The following DHX35 variants were observed in gnomAD, a reference collection of about 807,000 sequenced individuals.
DHX35 encodes the protein probable ATP-dependent RNA helicase DHX35.
Under a neutral mutation model 99.6 loss-of-function variants are expected in DHX35, and 84 were observed. That is an observed-to-expected ratio of 0.84 (90% CI 0.71 to 1.01). The LOEUF (loss-of-function observed/expected upper bound fraction) is 1.01, where lower values mean the gene tolerates loss of function less well. Ranked by LOEUF, DHX35 falls within the 50% of genes least tolerant of loss-of-function variation. The pLI, the probability that DHX35 is intolerant of heterozygous loss-of-function variation, is 0.00. For synonymous variants in DHX35, 331 were observed against 316.2 expected, an observed-to-expected ratio of 1.05 and a Z score of -0.50; for missense variants, 852 against 888.5, an observed-to-expected ratio of 0.96 and a Z score of 0.52.
chr20:39,023,976 T>A (rs534097328), intron 17 of DHX35, among the ~76,000 whole-genome samples: 2 of 152,344 alleles, frequency 1.3e-5, no homozygotes, highest in South Asian at 4.1e-4. Context: ...AACACAGGAA[T>A]CATTCATTGC....
intron 12 of DHX35, 111 bp downstream of exon 12, chr20:39,006,467 T>G: frequency 5.3e-6 from 6 of 1,126,532 alleles, no homozygotes; most frequent in Non-Finnish European, 7.7e-6. Context: ...ATACAGGCCT[T>G]CCTCACAAGG....
intron 5 of DHX35, 125 bp downstream of exon 5, chr20:38,989,042 A>G (rs1354442646): frequency 9.9e-7 from 1 of 1,014,868 alleles, no homozygotes; most frequent in Non-Finnish European, 1.4e-6. Flanking sequence ...GAAGAAAAGT[A>G]TCCTGACATT....
intron 17 of DHX35, among the ~76,000 whole-genome samples, 196 bp from the exon 18 acceptor site, chr20:39,025,034 G>A (rs2086931013): frequency 6.6e-6 from 1 of 152,178 alleles, no homozygotes; most frequent in African/African-American, 2.4e-5. Flanking sequence ...AAAGAGTGAG[G>A]TTGCAGAGCA....
chr20:38,996,064 AC>A lies in DHX35; in HGVS notation c.642+1187del, dbSNP rs1168487619. Among the ~76,000 whole-genome samples, 13 of 151,620 alleles carry A rather than the reference AC, an allele frequency of 8.6e-5. No individual in the cohort carries two copies. In the South Asian group the frequency reaches 2.3e-3, roughly 27 times the overall value. ...CCAGGCATGCTTCTGCTCTGGAGGA[AC>A]CCTCTTTTTAGACCATTCCTTCCCC... is the stretch of plus-strand genomic sequence containing the variant. On this transcript the variant is annotated intron_variant, in intron 8 of 21. Coordinates refer to ENST00000252011, the MANE Select transcript of DHX35 (RefSeq NM_021931.4).
chr20:38,963,185 C>T (rs188433969), intron 1 of DHX35, among the ~76,000 whole-genome samples: 168 of 152,240 alleles, frequency 1.1e-3, no homozygotes, highest in Middle Eastern at 6.8e-3. Context: ...TGTGCATATG[C>T]CAGACCGTAC....
chr20:38,995,961 G>A lies in DHX35; in HGVS notation c.642+1081G>A, dbSNP rs539029915. Among the ~76,000 whole-genome samples, 126 of 152,268 alleles carry A rather than the reference G, an allele frequency of 8.3e-4. 1 individual carries two copies. The highest frequency in any genetic ancestry group is 2.9e-3 in the African/African-American group (122 of 41,566). Reference sequence around the variant, plus strand: ...TGAATTACCCTTGAACTCCCTCTCTGACTTTATCTTCTTCCACTTTCTCCA... The same window carrying A: ...TGAATTACCCTTGAACTCCCTCTCTAACTTTATCTTCTTCCACTTTCTCCA... On this transcript the variant is annotated intron_variant, in intron 8 of 21. Coordinates refer to ENST00000252011, the MANE Select transcript of DHX35 (RefSeq NM_021931.4).
intron 21 of DHX35, among the ~76,000 whole-genome samples, chr20:39,037,175 C>T (rs925416807): frequency 2.0e-5 from 3 of 152,138 alleles, no homozygotes; most frequent in African/African-American, 2.4e-5. Flanking sequence ...AAGCTAAGGC[C>T]GTGGATATCT....
At chr20:38,982,580 A>G (rs1175767331) in intron 3 of DHX35, among the ~76,000 whole-genome samples, 1 of 152,160 alleles carries the variant, frequency 6.6e-6, no homozygotes, top group Admixed American at 6.5e-5. Flanking sequence ...AGCTACACAA[A>G]AAGATCTATT....
At chr20:38,989,022 G>C in intron 5 of DHX35, 105 bp downstream of exon 5, 3 of 1,283,398 alleles carry the variant, frequency 2.3e-6, no homozygotes, top group Non-Finnish European at 3.2e-6. Context: ...TTGATACCAT[G>C]GCAGAAAGTG....
At chr20:38,981,262 C>A (rs2086167558) in intron 3 of DHX35, among the ~76,000 whole-genome samples, 1 of 152,098 alleles carries the variant, frequency 6.6e-6, no homozygotes, top group Non-Finnish European at 1.5e-5. Flanking sequence ...AGTTTAGTAT[C>A]CCCCTCAGTG....
chr20:38,989,005 C>T, intron 5 of DHX35, 88 bp downstream of exon 5: 2 of 1,438,300 alleles, frequency 1.4e-6, no homozygotes, highest in South Asian at 1.2e-5. Flanking sequence ...TGCTGCTGTA[C>T]AGGACATTGA....
At chr20:38,974,806 A>G (rs1179928857) in intron 3 of DHX35, among the ~76,000 whole-genome samples, 1 of 152,130 alleles carries the variant, frequency 6.6e-6, no homozygotes, top group East Asian at 1.9e-4. Flanking sequence ...TGACAGAGGA[A>G]CCAGCAGACT....
chr20:38,970,846 G>GAA (rs201023264), intron 2 of DHX35, among the ~76,000 whole-genome samples: 7 of 134,672 alleles, frequency 5.2e-5, no homozygotes, highest in Non-Finnish European at 6.4e-5. Flanking sequence ...AACAGCAAAT[G>GAA]AAAAAAAAAA....
At chr20:39,027,374 A>C (rs1448309182) in intron 18 of DHX35, among the ~76,000 whole-genome samples, 1 of 152,224 alleles carries the variant, frequency 6.6e-6, no homozygotes, top group Non-Finnish European at 1.5e-5. Flanking sequence ...AAAGATTAAA[A>C]ACTTTATTAT....
At chr20:38,986,188 ATTT>A (rs56980978) in intron 4 of DHX35, among the ~76,000 whole-genome samples, 1 of 143,382 alleles carries the variant, frequency 7.0e-6, no homozygotes. Context: ...GTGCTCAGTG[ATTT>A]TTTTTTTTTT....
chr20:38,983,028 C>T (rs930078367), intron 3 of DHX35, among the ~76,000 whole-genome samples: 5 of 151,424 alleles, frequency 3.3e-5, no homozygotes, highest in Non-Finnish European at 7.4e-5. Context: ...CAGGTTCAAG[C>T]GATTCTCCTG....
rs373276588 is a variant in DHX35, at chr20:39,011,421, T to A, written c.1347+1017T>A. Among the ~76,000 whole-genome samples the A allele has an allele frequency of 3.3e-5, 5 of 152,304 alleles. No homozygotes were observed. In the East Asian group the frequency reaches 9.6e-4, roughly 29 times the overall value. ...TGCCATCTTGGCTCACTGCAACCTC[T>A]GCCTCCCAGGCTCAAGTGATTCTTG... On this transcript the variant is annotated intron_variant, in intron 13 of 21. Coordinates refer to ENST00000252011, the MANE Select transcript of DHX35 (RefSeq NM_021931.4).
chr20:39,013,221 TATA>T (rs1379898165), intron 13 of DHX35, among the ~76,000 whole-genome samples: 1 of 152,208 alleles, frequency 6.6e-6, no homozygotes, highest in East Asian at 1.9e-4. Flanking sequence ...ACAGAGTACA[TATA>T]ATTTTGTATA....
In DHX35 at chr20:38,972,623, G is replaced by C. The variant is rs140892775; in HGVS notation, c.239G>C (p.Gly80Ala). Residue 80 changes from glycine to alanine, a missense_variant, in exon 3 of 22, where the codon GGA (glycine) becomes GCA (alanine). Physicochemically the swap from Gly to Ala is moderately conservative, Grantham distance 60. Coordinates refer to ENST00000252011, the MANE Select transcript of DHX35 (RefSeq NM_021931.4). ...ACAGTGGTGATTGTTGGTGAAACAG[G>C]ATGTGGGAAGAGCACACAGATTCCT... ...YQTVVIVGET[G>A]CGKSTQIPQY... The C allele has an allele frequency of 1.2e-6, 2 of 1,612,374 alleles. No individual in the cohort carries two copies. The highest frequency in any genetic ancestry group is 2.7e-5 in the African/African-American group (2 of 74,898).
Sources: allele counts gnomAD v4.1 joint callset (sites outside exome capture counted in the v4.1 genomes callset), GRCh38; gene constraint gnomAD v4.1.1; transcripts MANE v1.5; gene names NCBI Gene and HGNC (gene_info 2026-07-23, HGNC 2026-07-21).